The following MNAT1 variants were observed in gnomAD, a reference collection of about 807,000 sequenced individuals.
The protein encoded by MNAT1 is MNAT1 component of CDK activating kinase.
Under a neutral mutation model 42.0 loss-of-function variants are expected in MNAT1, and 43 were observed. The ratio of observed to expected loss-of-function variants is 1.02; its 90% CI spans 0.80 to 1.32. The LOEUF (loss-of-function observed/expected upper bound fraction) is 1.32, where lower values mean the gene tolerates loss of function less well. MNAT1 is among the 40% of genes most tolerant of loss of function. MNAT1 has a pLI of 0.00. For synonymous variants in MNAT1, 118 were observed against 120.0 expected (o/e 0.98, Z 0.11); for missense variants, 306 against 350.4 (o/e 0.87, Z 1.01).
intron 6 of MNAT1, among the ~76,000 whole-genome samples, chr14:60,830,994 A>G (rs1341790544): frequency 2.6e-5 from 4 of 151,554 alleles, no homozygotes; most frequent in African/African-American, 9.7e-5. Flanking sequence ...ACATTTTTCT[A>G]CACTAGAAGC....
chr14:60,937,407 G>C (rs1206267482), intron 7 of MNAT1, among the ~76,000 whole-genome samples: 1 of 152,170 alleles, frequency 6.6e-6, no homozygotes, highest in African/African-American at 2.4e-5. Flanking sequence ...TTTAGTATAA[G>C]GTGTAAGGAA....
At chr14:60,825,090 GA>G (rs1296730018) in intron 6 of MNAT1, among the ~76,000 whole-genome samples, 4 of 152,140 alleles carry the variant, frequency 2.6e-5, no homozygotes, top group African/African-American at 9.7e-5. Context: ...CTTAGATCCA[GA>G]AGGTATAAAT....
In MNAT1 at chr14:60,968,497, C is replaced by T. The variant is rs1255660706; in HGVS notation, c.*148C>T. ...TATTTATAAGGAGAAAATTTCAGAA[C>T]TAAGTTGAGTAATATAGGGGATATA... On this transcript the variant is annotated 3_prime_UTR_variant, in exon 8 of 8. Coordinates refer to ENST00000261245, the MANE Select transcript of MNAT1 (RefSeq NM_002431.4). 6.7e-7 allele frequency: 1 copy of T among 1,496,244 alleles called. No individual in the cohort carries two copies. Among genetic ancestry groups the T allele is most frequent in the East Asian group, 2.6e-5 (1 of 39,024 alleles). The allele number at this position is 1,496,244 out of a possible 1,614,324, so 92.7% of individuals were successfully genotyped here.
intron 1 of MNAT1, among the ~76,000 whole-genome samples, chr14:60,789,516 A>C (rs1214086042): frequency 6.6e-6 from 1 of 152,202 alleles, no homozygotes; most frequent in East Asian, 1.9e-4. Context: ...TGCAAAGCCC[A>C]ATAAGGCAAT....
intron 1 of MNAT1, among the ~76,000 whole-genome samples, chr14:60,779,340 T>C (rs1038956687): frequency 3.3e-5 from 5 of 152,206 alleles, no homozygotes; most frequent in Non-Finnish European, 7.3e-5. Context: ...ACTGGCAAGC[T>C]GCTTACACCA....
At chr14:60,792,338 A>C (rs1462639369) in intron 1 of MNAT1, among the ~76,000 whole-genome samples, 1 of 152,146 alleles carries the variant, frequency 6.6e-6, no homozygotes, top group East Asian at 1.9e-4. Flanking sequence ...ATGGCACTTC[A>C]ATCAATATTT....
At chr14:60,898,094 A>T (rs1007599884) in intron 7 of MNAT1, among the ~76,000 whole-genome samples, 2 of 113,248 alleles carry the variant, frequency 1.8e-5, no homozygotes, top group African/African-American at 7.0e-5. Flanking sequence ...ATAGTAATAC[A>T]TTGTGTGTGT....
chr14:60,946,115 T>A (rs1279586064), intron 7 of MNAT1, among the ~76,000 whole-genome samples: 5 of 152,320 alleles, frequency 3.3e-5, no homozygotes, highest in Non-Finnish European at 7.3e-5. Flanking sequence ...TATTAGACCA[T>A]CAAATTGGTC....
Position 60,831,764 on chromosome 14 carries a change from T to C in MNAT1, c.687+12917T>C, listed in dbSNP as rs147612668. 6.2e-4 allele frequency among the ~76,000 whole-genome samples: 95 copies of C among 152,276 alleles called. No individual in the cohort carries two copies. The Middle Eastern group carries it at 0.01, about 16-fold the overall frequency. On this transcript the variant is annotated intron_variant, in intron 6 of 7. Transcript: ENST00000261245. ...TGAGGAATTGCCACACTGTCTTCCA[T>C]AATGGTTGAATTAATTTACACTCCC... is the stretch of plus-strand genomic sequence containing the variant.
intron 4 of MNAT1, among the ~76,000 whole-genome samples, chr14:60,811,146 T>C (rs946723436): frequency 2.0e-5 from 3 of 152,126 alleles, no homozygotes; most frequent in Non-Finnish European, 4.4e-5. Context: ...ATGCTCTTTG[T>C]TTCAGTGAAT....
chr14:60,871,389 A>G (rs1212223121), intron 6 of MNAT1, among the ~76,000 whole-genome samples: 1 of 152,178 alleles, frequency 6.6e-6, no homozygotes, highest in East Asian at 1.9e-4. Flanking sequence ...TGGCTGCATC[A>G]TTGTATACTC....
At chr14:60,800,702 G>A (rs2032175426) in intron 3 of MNAT1, among the ~76,000 whole-genome samples, 1 of 152,194 alleles carries the variant, frequency 6.6e-6, no homozygotes, top group African/African-American at 2.4e-5. Context: ...TATTTGAAGA[G>A]AGAGACAGGT....
intron 5 of MNAT1, among the ~76,000 whole-genome samples, chr14:60,815,878 A>G (rs373316263): frequency 6.6e-6 from 1 of 152,140 alleles, no homozygotes; most frequent in African/African-American, 2.4e-5. Flanking sequence ...AGATTTTGTT[A>G]TGTTTATTTT....
chr14:60,895,683 G>A (rs2034941960), intron 7 of MNAT1, among the ~76,000 whole-genome samples: 1 of 152,114 alleles, frequency 6.6e-6, no homozygotes, highest in Admixed American at 6.6e-5. Context: ...TATAATCCTA[G>A]CACTTTGGGA....
chr14:60,840,188 T>C (rs2033506806), intron 6 of MNAT1, among the ~76,000 whole-genome samples: 1 of 152,236 alleles, frequency 6.6e-6, no homozygotes, highest in South Asian at 2.1e-4. Context: ...TTGCAACAGT[T>C]TGAGTCCTCT....
chr14:60,901,422 C>T (rs921207146), intron 7 of MNAT1, among the ~76,000 whole-genome samples: 1 of 152,174 alleles, frequency 6.6e-6, no homozygotes, highest in Admixed American at 6.6e-5. Context: ...CATTCTAAAG[C>T]CCATGGATCA....
intron 7 of MNAT1, among the ~76,000 whole-genome samples, chr14:60,936,659 T>C (rs1371442288): frequency 6.6e-6 from 1 of 152,208 alleles, no homozygotes; most frequent in Non-Finnish European, 1.5e-5. Context: ...AAGTCTTTGC[T>C]ATTGTGAATA....
intron 6 of MNAT1, among the ~76,000 whole-genome samples, chr14:60,830,347 G>C (rs921072650): frequency 5.9e-5 from 9 of 152,252 alleles, no homozygotes; most frequent in African/African-American, 1.9e-4. Flanking sequence ...ATGAAATTCA[G>C]ATACATAGAT....
chr14:60,843,617 T>C (rs2033606373), intron 6 of MNAT1, among the ~76,000 whole-genome samples: 1 of 152,190 alleles, frequency 6.6e-6, no homozygotes, highest in South Asian at 2.1e-4. Context: ...TATTAAAATC[T>C]TATGTCCATT....
Sources: gnomAD v4.1 joint callset for allele counts (sites outside exome capture counted in the v4.1 genomes callset) on GRCh38, gnomAD v4.1.1 for gene constraint, MANE v1.5 for transcripts, NCBI Gene and HGNC (gene_info 2026-07-23, HGNC 2026-07-21) for gene names.